The following JMJD1C variants were observed in gnomAD, a reference collection of about 807,000 sequenced individuals.
The protein encoded by JMJD1C is jumonji domain-containing protein 1C.
Under a neutral mutation model 245.3 loss-of-function variants are expected in JMJD1C, and 31 were observed. The ratio of observed to expected loss-of-function variants is 0.13; its 90% CI spans 0.09 to 0.17. JMJD1C has a LOEUF of 0.17. Among genes scored for constraint, JMJD1C ranks in the 10% least tolerant of loss-of-function variants. JMJD1C has a pLI of 1.00. For missense variants in JMJD1C, 2,691 were observed against 3,000.2 expected, an observed-to-expected ratio of 0.90 and a Z score of 2.41; for synonymous variants, 1,057 against 1,017.4, an observed-to-expected ratio of 1.04 and a Z score of -0.74.
At chr10:63,389,766 A>C (rs1947908743) in intron 1 of JMJD1C, among the ~76,000 whole-genome samples, 1 of 152,190 alleles carries the variant, frequency 6.6e-6, no homozygotes. Flanking sequence ...GAATACATGG[A>C]AAGTGAACAA....
Position 63,324,889 on chromosome 10 carries a change from T to C in JMJD1C, c.333+55429A>G, listed in dbSNP as rs553330277. ...GCTTTCAGCTAGATTTTGAGTTAAA[T>C]TGTAAATTGCTGGAGTCATGAAATC... is the stretch of plus-strand genomic sequence containing the variant. On this transcript the variant is annotated intron_variant, in intron 2 of 25. Transcript: ENST00000399262. Among the ~76,000 whole-genome samples the C allele has an allele frequency of 2.1e-3, 325 of 152,348 alleles. 1 individual carries two copies. The highest frequency in any genetic ancestry group is 3.9e-3 in the Non-Finnish European group (263 of 68,032).
At chr10:63,511,899 T>C (rs1377168717) in intron 1 of JMJD1C, among the ~76,000 whole-genome samples, 1 of 152,124 alleles carries the variant, frequency 6.6e-6, no homozygotes, top group Non-Finnish European at 1.5e-5. Flanking sequence ...TGTTCTCATC[T>C]TTCCCTTCCT....
chr10:63,334,255 T>C (rs774083672), intron 2 of JMJD1C, among the ~76,000 whole-genome samples: 38 of 152,280 alleles, frequency 2.5e-4, no homozygotes, highest in Non-Finnish European at 3.4e-4. Context: ...TAAATTTGTG[T>C]TCAATTTTAA....
intron 2 of JMJD1C, among the ~76,000 whole-genome samples, chr10:63,289,686 G>C (rs760859442): frequency 3.9e-5 from 6 of 152,076 alleles, no homozygotes; most frequent in Non-Finnish European, 8.8e-5. Context: ...AAAATAAACA[G>C]TATTGTAATC....
At chr10:63,215,520 T>A in intron 6 of JMJD1C, 33 bp downstream of exon 6, 1 of 1,607,308 alleles carries the variant, frequency 6.2e-7, no homozygotes, top group Non-Finnish European at 8.5e-7. Flanking sequence ...GGAAAAATAT[T>A]TTACAGAAAT....
intron 1 of JMJD1C, among the ~76,000 whole-genome samples, chr10:63,474,952 T>C (rs1564958324): frequency 2.0e-5 from 3 of 152,040 alleles, no homozygotes; most frequent in African/African-American, 7.2e-5. Context: ...CTGATAGAAG[T>C]TGGAATAGTG....
chr10:63,390,938 C>CA (rs1948003293), intron 1 of JMJD1C, among the ~76,000 whole-genome samples: 1 of 151,820 alleles, frequency 6.6e-6, no homozygotes, highest in Non-Finnish European at 1.5e-5. Context: ...TGGAACAAAA[C>CA]AAAAAAGCCG....
At chr10:63,280,108 G>A (rs570322540) in intron 2 of JMJD1C, among the ~76,000 whole-genome samples, 14 of 152,082 alleles carry the variant, frequency 9.2e-5, no homozygotes, top group African/African-American at 2.9e-4. Flanking sequence ...CCGAGGTCAT[G>A]CCACTGCACT....
In JMJD1C at chr10:63,359,751, T is replaced by C. The variant is rs372225891; in HGVS notation, c.333+20567A>G. Among the ~76,000 whole-genome samples the C allele has an allele frequency of 1.5e-4, 23 of 152,300 alleles. 1 individual carries two copies. The South Asian group carries it at 4.6e-3, about 30-fold the overall frequency. ...AATGTCACAGAAATGCTAATCAAAA[T>C]ATAGTTATTGAAGAAAGTACTGAAA... On this transcript the variant is annotated intron_variant, in intron 2 of 25. Coordinates refer to ENST00000399262, the MANE Select transcript of JMJD1C (RefSeq NM_032776.3).
chr10:63,213,589 A>G lies in JMJD1C; in HGVS notation c.2578T>C (p.Tyr860His). 6.2e-7 allele frequency: 1 copy of G among 1,614,154 alleles called. No homozygotes were observed. The highest frequency in any genetic ancestry group is 8.5e-7 in the Non-Finnish European group (1 of 1,179,960). The change falls in exon 8 of 26, where the codon TAT (tyrosine) becomes CAT (histidine). Residue 860 changes from tyrosine to histidine, a missense_variant. Coordinates refer to ENST00000399262, the MANE Select transcript of JMJD1C (RefSeq NM_032776.3). ...PSASYNQLGL[Y>H]PIIWQYPNGT... ...TTTGGATACTGCCAAATAATTGGAT[A>G]AAGTCCAAGCTGATTATATGAAGCA...
At chr10:63,477,917 T>C (rs1953713839) in intron 1 of JMJD1C, among the ~76,000 whole-genome samples, 1 of 151,864 alleles carries the variant, frequency 6.6e-6, no homozygotes, top group African/African-American at 2.4e-5. Context: ...TTGGGCAAAA[T>C]ATTTCAACAA....
At position 63,207,821 on chromosome 10, in the gene JMJD1C, C is replaced by A; in HGVS notation, c.3848G>T (p.Ser1283Ile). The A allele has an allele frequency of 6.2e-7, 1 of 1,614,142 alleles. No homozygotes were observed. The highest frequency in any genetic ancestry group is 8.5e-7 in the Non-Finnish European group (1 of 1,180,012). The change falls in exon 10 of 26, where the codon AGC becomes ATC. Residue 1283 changes from serine (S) to isoleucine (I), a missense_variant. Physicochemically the swap from Ser to Ile is moderately radical, Grantham distance 142. Around this residue, in one of 9 missense-constraint regions of JMJD1C, gnomAD observed 1,562 missense variants for 1,490.7 expected, o/e 1.05. Coordinates refer to ENST00000399262, the MANE Select transcript of JMJD1C (RefSeq NM_032776.3). ...CACATGCCATTCAGTTTTCTCTTTG[C>A]TGAGGTTATTATTAGGTCTCCACAT... ...TEMWRPNNNLSKEKTEWHVEK... is the reference protein window; with the variant it reads ...TEMWRPNNNLIKEKTEWHVEK...
chr10:63,307,925 G>GGATC (rs1407618985), intron 2 of JMJD1C, among the ~76,000 whole-genome samples: 4 of 152,018 alleles, frequency 2.6e-5, no homozygotes, highest in Non-Finnish European at 5.9e-5. Context: ...TGAGGCAGGC[G>GGATC]GATCACTTGA....
At chr10:63,298,679 CATATCT>C (rs1420526674) in intron 2 of JMJD1C, among the ~76,000 whole-genome samples, 3 of 152,168 alleles carry the variant, frequency 2.0e-5, no homozygotes, top group Non-Finnish European at 4.4e-5. Context: ...CAACCCGTAA[CATATCT>C]ATTTAAGATG....
intron 1 of JMJD1C, among the ~76,000 whole-genome samples, chr10:63,442,776 C>A (rs139065405): frequency 3.2e-4 from 49 of 152,350 alleles, no homozygotes; most frequent in African/African-American, 8.7e-4. Context: ...AACAATGCCA[C>A]ATTTTCATAT....
At chr10:63,368,962 A>G (rs1022593251) in intron 2 of JMJD1C, among the ~76,000 whole-genome samples, 2 of 151,892 alleles carry the variant, frequency 1.3e-5, no homozygotes, top group Non-Finnish European at 2.9e-5. Flanking sequence ...ATAGAAATCA[A>G]TCTTATAATA....
intron 2 of JMJD1C, among the ~76,000 whole-genome samples, chr10:63,298,139 T>C (rs1485112328): frequency 1.3e-5 from 2 of 152,188 alleles, no homozygotes; most frequent in Non-Finnish European, 2.9e-5. Flanking sequence ...GCACAGTGAT[T>C]GGACCCTGTG....
At chr10:63,501,909 G>A (rs1037994056) in intron 1 of JMJD1C, among the ~76,000 whole-genome samples, 3 of 152,258 alleles carry the variant, frequency 2.0e-5, no homozygotes, top group South Asian at 4.1e-4. Flanking sequence ...AAAAGAAGGC[G>A]AGAAGAAAGG....
At chr10:63,498,701 C>T (rs537919454) in intron 1 of JMJD1C, among the ~76,000 whole-genome samples, 1 of 152,120 alleles carries the variant, frequency 6.6e-6, no homozygotes, top group South Asian at 2.1e-4. Flanking sequence ...TCTAGGACTC[C>T]TATTTTTTTT....
Sources: gnomAD v4.1 joint callset for allele counts (sites outside exome capture counted in the v4.1 genomes callset) on GRCh38, gnomAD v4.1.1 for gene constraint, gnomAD v4.1.1 regional missense constraint, MANE v1.5 for transcripts, NCBI Gene and HGNC (gene_info 2026-07-23, HGNC 2026-07-21) for gene names.